TRO: variants seen among roughly 807,000 people sequenced by gnomAD.
The protein encoded by TRO is MAGE superfamily protein.
In TRO, 29 loss-of-function variants were observed where a neutral mutation model predicts 42.3. That is an observed-to-expected ratio of 0.68 (90% CI 0.51 to 0.93). The LOEUF (loss-of-function observed/expected upper bound fraction) is 0.93. Ranked by LOEUF, TRO falls within the 40% of genes least tolerant of loss-of-function variation. The probability of loss-of-function intolerance (pLI) is 0.00; values close to 1 mark genes in which losing one functional copy is unlikely to be tolerated. For missense variants in TRO, 963 were observed against 1,127.7 expected, an observed-to-expected ratio of 0.85 and a Z score of 2.09; for synonymous variants, 384 against 425.2, an observed-to-expected ratio of 0.90 and a Z score of 1.19.
At chrX:54,924,804 A>T (rs1240669126) in intron 5 of TRO, 71 bp downstream of exon 5, 50 of 1,072,735 alleles carry the variant, frequency 4.7e-5, no homozygotes, top group Non-Finnish European at 6.3e-5. Flanking sequence ...TCTGGGAGTA[A>T]CACTTTATGG....
chrX:54,927,400 C>T, intron 10 of TRO: 2 of 481,863 alleles, frequency 4.2e-6, no homozygotes, highest in Non-Finnish European at 7.3e-6. Context: ...TGGCATGATA[C>T]TTTGGCCTTC....
In TRO at chrX:54,930,842, C is replaced by T. The variant is rs1308414301; in HGVS notation, c.4118C>T (p.Thr1373Ile). ...SIVGFSGGPS[T>I]GVGFCSGPST... ...GTTGGCTTCAGCGGTGGACCAAGCA[C>T]TGGTGTTGGCTTCTGCAGTGGACCA... The change falls in exon 12 of 13, where the codon ACT (threonine) becomes ATT (isoleucine). Residue 1373 changes from threonine (T) to isoleucine (I), a missense_variant. Coordinates refer to ENST00000173898, the MANE Select transcript of TRO (RefSeq NM_001039705.3). The T allele has an allele frequency of 8.3e-7, 1 of 1,209,825 alleles. No homozygotes were observed. The highest frequency in any genetic ancestry group is 1.7e-5 in the African/African-American group (1 of 57,195).
At position 54,925,622 on chromosome X, in the gene TRO, A is replaced by T; in HGVS notation, c.1516A>T (p.Lys506Ter). 1 of 1,210,879 alleles carries T rather than the reference A, an allele frequency of 8.3e-7. No individual in the cohort carries two copies. Residue 506 changes from lysine (K) to a stop codon, truncating the protein, a stop_gained, in exon 7 of 13, where the codon AAG becomes TAG. Transcript: ENST00000173898. LOFTEE classifies it high-confidence loss of function. ...MFRVNLKEID[K>*]QSSLYILIST... ...TCGAGTCAATCTGAAAGAAATTGAT[A>T]AGCAAAGTAGCTTGTATATTCTCAT...
rs775423205 is a variant in TRO, at chrX:54,928,792, A to G, written c.2068A>G (p.Arg690Gly). The change falls in exon 12 of 13, where the codon AGG (arginine) becomes GGG (glycine). Residue 690 changes from arginine to glycine, a missense_variant. Physicochemically the swap from Arg to Gly is moderately radical, Grantham distance 125. Transcript: ENST00000173898. ...WDDMDIDCLT[R>G]EELGDDAQAW... ...TGACATGGATATCGACTGCCTAACAAGGGAAGAGTTAGGCGATGATGCTCA... is the reference window on the plus strand; with the variant it reads ...TGACATGGATATCGACTGCCTAACAGGGGAAGAGTTAGGCGATGATGCTCA... The G allele has an allele frequency of 4.1e-6, 5 of 1,211,239 alleles. No individual in the cohort carries two copies. Among genetic ancestry groups the G allele is most frequent in the Non-Finnish European group, 4.5e-6 (4 of 895,245 alleles).
Position 54,925,618 on chromosome X carries a change from T to G in TRO, c.1512T>G (p.Ile504Met). The G allele has an allele frequency of 8.3e-7, 1 of 1,210,918 alleles. No homozygotes were observed. The highest frequency in any genetic ancestry group is 1.8e-5 in the South Asian group (1 of 56,756). Residue 504 changes from isoleucine to methionine, a missense_variant, in exon 7 of 13, where the codon ATT becomes ATG. Ile to Met is a conservative substitution (Grantham distance 10). This residue lies in a region of TRO where 641 missense variants were observed against 811.3 expected (regional missense o/e 0.79). Transcript: ENST00000173898. ...EKMFRVNLKE[I>M]DKQSSLYILI... ...TGTTTCGAGTCAATCTGAAAGAAATTGATAAGCAAAGTAGCTTGTATATTC... is the reference window on the plus strand; with the variant it reads ...TGTTTCGAGTCAATCTGAAAGAAATGGATAAGCAAAGTAGCTTGTATATTC...
chrX:54,929,495 G>A lies in TRO; in HGVS notation c.2771G>A (p.Cys924Tyr). The part of the protein sequence containing the change: ...STSICFGGSP[C>Y]TSTGFGGTLS... The stretch of plus-strand genomic sequence containing the variant: ...AGTATCTGCTTCGGTGGCTCTCCCT[G>A]CACCAGCACTGGCTTTGGAGGCACA... Residue 924 changes from cysteine to tyrosine, a missense_variant, in exon 12 of 13, where the codon TGC (cysteine) becomes TAC (tyrosine). Around this residue, in one of 2 missense-constraint regions of TRO, gnomAD observed 641 missense variants for 811.3 expected, o/e 0.79. Coordinates refer to ENST00000173898, the MANE Select transcript of TRO (RefSeq NM_001039705.3). The A allele has an allele frequency of 1.7e-6, 2 of 1,211,914 alleles. No homozygotes were observed. Among genetic ancestry groups the A allele is most frequent in the African/African-American group, 3.5e-5 (2 of 57,843 alleles).
rs375639184 is a variant in TRO at position 54,929,322 on chromosome X, C to T, written c.2598C>T (p.Ser866=). ...TAGFSGVLST[S]TSFGSAPTTS... ...GCTTTAGTGGTGTACTCAGCACTAG[C>T]ACCAGCTTTGGCAGTGCACCCACAA... Residue 866 remains serine, a synonymous_variant, in exon 12 of 13, where the codon AGC becomes AGT. Transcript: ENST00000173898. 5.8e-5 allele frequency: 70 copies of T among 1,210,923 alleles called. 1 individual carries two copies. The East Asian group carries it at 8.9e-4, about 15-fold the overall frequency.
Position 54,926,479 on chromosome X carries a change from G to A in TRO, c.1647G>A (p.Lys549=), listed in dbSNP as rs761804585. ...ILSVIFMNGN[K]ASEAVIWEVL... ...GTGTCATTTTTATGAATGGCAACAAGGCCAGTGAGGGTGAGTGGCTGGGCA... is the reference window on the plus strand; with the variant it reads ...GTGTCATTTTTATGAATGGCAACAAAGCCAGTGAGGGTGAGTGGCTGGGCA... Residue 549 remains lysine (K), a synonymous_variant, in exon 8 of 13, where the codon AAG becomes AAA. Coordinates refer to ENST00000173898, the MANE Select transcript of TRO (RefSeq NM_001039705.3). 5 of 1,210,663 alleles carry A rather than the reference G, an allele frequency of 4.1e-6. No individual in the cohort carries two copies. In the African/African-American group the frequency reaches 5.2e-5, roughly 13 times the overall value.
chrX:54,924,365 T>G (rs1602136471), intron 3 of TRO, 86 bp from the exon 4 acceptor site: 2 of 919,152 alleles, frequency 2.2e-6, no homozygotes, highest in South Asian at 5.0e-5. Flanking sequence ...TTAGAGGGAC[T>G]TTCTGTCTGG....
intron 12 of TRO, 85 bp downstream of exon 12, chrX:54,931,116 G>A (rs1933147439): frequency 8.4e-7 from 1 of 1,186,174 alleles, no homozygotes; most frequent in Non-Finnish European, 1.1e-6. Context: ...AGGCAGGACA[G>A]CAGGGTGGAA....
intron 3 of TRO, 188 bp from the exon 4 acceptor site, chrX:54,924,263 C>A: frequency 2.4e-6 from 1 of 416,422 alleles, no homozygotes; most frequent in Non-Finnish European, 4.1e-6. Flanking sequence ...GAAACTCCTT[C>A]CTGGAAGACA....
In TRO at chrX:54,929,751, T is replaced by C; in HGVS notation, c.3027T>C (p.Phe1009=). Reference sequence around the variant, plus strand: ...GTACACTAAGCACCAGTGTCTGCTTTGGTGGCTCTCCTGGCACCAGTGTCA... The same window carrying C: ...GTACACTAAGCACCAGTGTCTGCTTCGGTGGCTCTCCTGGCACCAGTGTCA... The part of the protein sequence containing the change: ...FGGTLSTSVC[F]GGSPGTSVSF... The change falls in exon 12 of 13, where the codon TTT becomes TTC. Residue 1009 remains phenylalanine, a synonymous_variant. Coordinates refer to ENST00000173898, the MANE Select transcript of TRO (RefSeq NM_001039705.3). 1 of 1,211,783 alleles carries C rather than the reference T, an allele frequency of 8.3e-7. No homozygotes were observed.
Position 54,923,406 on chromosome X carries a change from G to A in TRO, c.874G>A (p.Val292Ile), listed in dbSNP as rs1445437688. 1.7e-6 allele frequency: 2 copies of A among 1,201,090 alleles called. No homozygotes were observed. Among genetic ancestry groups the A allele is most frequent in the South Asian group, 1.8e-5 (1 of 55,216 alleles). ...AGCTACCAGGCAGATTGAGGCCTCA[G>A]TAGTGGCTATCAGGCCCAAAAAATC... ...DAATRQIEAS[V>I]VAIRPKKSKG... Residue 292 changes from valine to isoleucine, a missense_variant, in exon 3 of 13, where the codon GTA (valine) becomes ATA (isoleucine). By Grantham distance (29) the Val-to-Ile change is conservative (BLOSUM62 3). Coordinates refer to ENST00000173898, the MANE Select transcript of TRO (RefSeq NM_001039705.3).
chrX:54,927,896 A>G (rs776709613), intron 11 of TRO, 115 bp downstream of exon 11: 1 of 503,012 alleles, frequency 2.0e-6, no homozygotes, highest in South Asian at 3.4e-5. Flanking sequence ...ATATATAAAC[A>G]TGTGGAGCCT....
chrX:54,930,058 G>C lies in TRO; in HGVS notation c.3334G>C (p.Ala1112Pro). 1 of 1,209,407 alleles carries C rather than the reference G, an allele frequency of 8.3e-7. No individual in the cohort carries two copies. The highest frequency in any genetic ancestry group is 1.1e-6 in the Non-Finnish European group (1 of 893,633). ...AFSTSAGFGG[A>P]LSTAADFGGT... ...TAGCACCAGTGCTGGCTTCGGTGGG[G>C]CACTTAGTACCGCTGCTGACTTCGG... The change falls in exon 12 of 13, where the codon GCA becomes CCA. Residue 1112 changes from alanine (A) to proline (P), a missense_variant. Physicochemically the swap from Ala to Pro is conservative, Grantham distance 27. Transcript: ENST00000173898.
rs1602142370 is a variant in TRO, at chrX:54,926,333, G to A, written c.1578-77G>A. 9 of 1,013,838 alleles carry A rather than the reference G, an allele frequency of 8.9e-6. No homozygotes were observed. The highest frequency in any genetic ancestry group is 5.4e-4 in the Middle Eastern group (2 of 3,676). The allele number at this position is 1,013,838 out of a possible 1,213,427, so 83.6% of individuals were successfully genotyped here. On this transcript the variant is annotated intron_variant, in intron 7 of 12. Coordinates refer to ENST00000173898, the MANE Select transcript of TRO (RefSeq NM_001039705.3). Reference sequence around the variant, plus strand: ...GTGAGCTGGCTGGTGTATCTTTTGCGGATGGCTGCTGAAACATAAACCTTC... The same window carrying A: ...GTGAGCTGGCTGGTGTATCTTTTGCAGATGGCTGCTGAAACATAAACCTTC...
chrX:54,923,366 A>G lies in TRO; in HGVS notation c.834A>G (p.Leu278=). 8.3e-7 allele frequency: 1 copy of G among 1,207,664 alleles called. No homozygotes were observed. Among genetic ancestry groups the G allele is most frequent in the Non-Finnish European group, 1.1e-6 (1 of 893,256 alleles). ...CTGACACTGAGCATATAGAGGCTCT[A>G]AATGTCACTGACGCAGCTACCAGGC... is the stretch of plus-strand genomic sequence containing the variant. ...INTDTEHIEA[L]NVTDAATRQI... The change falls in exon 3 of 13, where the codon CTA becomes CTG. Residue 278 remains leucine, a synonymous_variant. Transcript: ENST00000173898.
intron 3 of TRO, 97 bp from the exon 4 acceptor site, chrX:54,924,354 G>T: frequency 2.4e-6 from 2 of 818,686 alleles, no homozygotes. Context: ...GAGGGAGGGG[G>T]TTAGAGGGAC....
rs1311873270 is a variant in TRO at position 54,924,458 on chromosome X, A to G, written c.1244A>G (p.His415Arg). Residue 415 changes from histidine (H) to arginine (R), a missense_variant, in exon 4 of 13, where the codon CAT becomes CGT. Around this residue, in one of 2 missense-constraint regions of TRO, gnomAD observed 322 missense variants for 316.5 expected, o/e 1.02. Transcript: ENST00000173898. ...TRGKRNRKSK[H>R]LNGDERSGSN... ...TTCTTTCTGATGATGAAGTCCAAGC[A>G]TCTGAATGGGGATGAGAGAAGTGGC... 5.0e-6 allele frequency: 6 copies of G among 1,202,639 alleles called. No individual in the cohort carries two copies. Among genetic ancestry groups the G allele is most frequent in the Middle Eastern group, 2.3e-4 (1 of 4,317 alleles).
Sources: gnomAD v4.1 joint callset for allele counts on GRCh38, gnomAD v4.1.1 for gene constraint, gnomAD v4.1.1 regional missense constraint, MANE v1.5 for transcripts, NCBI Gene and HGNC (gene_info 2026-07-23, HGNC 2026-07-21) for gene names.